USH2A: variants seen among roughly 807,000 people sequenced by gnomAD.
USH2A encodes usherin.
A neutral mutation model predicts 538.9 loss-of-function variants in USH2A; 443 were observed. That is an observed-to-expected ratio of 0.82 (90% CI 0.76 to 0.89). USH2A has a LOEUF of 0.89. Ranked by LOEUF, USH2A falls within the 40% of genes least tolerant of loss-of-function variation. The probability of loss-of-function intolerance (pLI) is 0.00; values close to 1 mark genes in which losing one functional copy is unlikely to be tolerated. For synonymous variants in USH2A, 2,413 were observed against 2,273.5 expected (o/e 1.06, Z -1.75); for missense variants, 6,633 against 6,324.8 (o/e 1.05, Z -1.65).
At chr1:215,629,245 A>C (rs535707794) in intron 70 of USH2A, among the ~76,000 whole-genome samples, 2 of 152,134 alleles carry the variant, frequency 1.3e-5, no homozygotes, top group Non-Finnish European at 1.5e-5. Flanking sequence ...GGTAAGAAGG[A>C]TGAGATGATG....
chr1:215,648,821 A>G, intron 65 of USH2A, 55 bp from the exon 66 acceptor site: 1 of 1,535,912 alleles, frequency 6.5e-7, no homozygotes. Context: ...AAGGTGTTTG[A>G]TGAATGTTAT....
intron 4 of USH2A, among the ~76,000 whole-genome samples, chr1:216,333,622 G>A (rs1316720990): frequency 6.6e-6 from 1 of 151,712 alleles, no homozygotes; most frequent in Non-Finnish European, 1.5e-5. Context: ...TGAACTGCAA[G>A]TGGGATAAAT....
At chr1:216,175,147 T>C in intron 21 of USH2A, 105 bp downstream of exon 21, 1 of 1,549,920 alleles carries the variant, frequency 6.5e-7, no homozygotes, top group Non-Finnish European at 8.7e-7. Context: ...AATTAGTATT[T>C]CTCTAAGTAG....
In USH2A at chr1:215,813,838, G is replaced by C. The variant is rs763656685; in HGVS notation, c.9637C>G (p.Pro3213Ala). The C allele has an allele frequency of 6.2e-7, 1 of 1,613,840 alleles. No individual in the cohort carries two copies. Among genetic ancestry groups the C allele is most frequent in the Non-Finnish European group, 8.5e-7 (1 of 1,179,856 alleles). ...GHRCCEEKYI[P>A]FVLNSTGVCC... ...ACTCCAGTAGAATTCAGAACAAACG[G>C]GATATACTTTTCTTCACAACAGCGA... The change falls in exon 49 of 72, where the codon CCG becomes GCG. Residue 3213 changes from proline (P) to alanine (A), a missense_variant. By Grantham distance (27) the Pro-to-Ala change is conservative (BLOSUM62 -1). Transcript: ENST00000307340.
At chr1:215,876,172 A>C (rs914117361) in intron 43 of USH2A, among the ~76,000 whole-genome samples, 4 of 152,138 alleles carry the variant, frequency 2.6e-5, no homozygotes, top group African/African-American at 9.6e-5. Flanking sequence ...AATTAAGTAA[A>C]TAATGAATTA....
intron 3 of USH2A, among the ~76,000 whole-genome samples, chr1:216,383,315 T>G (rs1383832384): frequency 6.6e-6 from 1 of 152,170 alleles, no homozygotes; most frequent in Non-Finnish European, 1.5e-5. Context: ...CTGGCCATGT[T>G]CCTTTTCAGA....
At chr1:216,148,266 A>G (rs2033754531) in intron 21 of USH2A, among the ~76,000 whole-genome samples, 1 of 150,648 alleles carries the variant, frequency 6.6e-6, no homozygotes, top group Admixed American at 6.6e-5. Flanking sequence ...TCTTTTAAGC[A>G]CTCCTTTTTA....
chr1:215,717,098 G>A (rs748020136), intron 61 of USH2A, among the ~76,000 whole-genome samples: 109 of 152,132 alleles, frequency 7.2e-4, no homozygotes, highest in Non-Finnish European at 1.2e-3. Context: ...GTCTATGGAG[G>A]GGAATTCAGA....
intron 16 of USH2A, chr1:216,204,078 T>C (rs2035058709): frequency 6.3e-6 from 1 of 158,740 alleles, no homozygotes; most frequent in Admixed American, 6.5e-5. Context: ...ATGAAGATCG[T>C]TTTTATTTTT....
At chr1:216,385,269 G>A (rs1381946654) in intron 3 of USH2A, among the ~76,000 whole-genome samples, 1 of 152,158 alleles carries the variant, frequency 6.6e-6, no homozygotes, top group Admixed American at 6.5e-5. Flanking sequence ...TGCTTGGAAG[G>A]GCCAGGAAAG....
chr1:215,902,878 G>T (rs1665537408), intron 38 of USH2A, among the ~76,000 whole-genome samples: 1 of 152,094 alleles, frequency 6.6e-6, no homozygotes. Flanking sequence ...GAGAGGAAAA[G>T]TCTTCATAGG....
At chr1:216,005,346 T>C (rs899601511) in intron 32 of USH2A, among the ~76,000 whole-genome samples, 21 of 152,172 alleles carry the variant, frequency 1.4e-4, no homozygotes. Context: ...TTTAGTTCCA[T>C]ATCATAATTA....
chr1:216,380,884 T>C (rs2038911829), intron 3 of USH2A, among the ~76,000 whole-genome samples: 1 of 152,180 alleles, frequency 6.6e-6, no homozygotes, highest in African/African-American at 2.4e-5. Flanking sequence ...TTTCTATTTG[T>C]TTGTATATTT....
intron 62 of USH2A, among the ~76,000 whole-genome samples, chr1:215,676,099 A>T (rs1303539609): frequency 6.6e-6 from 1 of 152,138 alleles, no homozygotes; most frequent in East Asian, 1.9e-4. Context: ...GGGCTGAAAG[A>T]GTATGCTTGT....
chr1:215,736,602 A>T (rs1660161494), intron 60 of USH2A, among the ~76,000 whole-genome samples: 1 of 152,030 alleles, frequency 6.6e-6, no homozygotes. Context: ...GTTATTTTTA[A>T]TATGATCATG....
At chr1:215,743,414 G>GTA (rs1416125197) in intron 58 of USH2A, 79 bp from the exon 59 acceptor site, 7 of 393,238 alleles carry the variant, frequency 1.8e-5, no homozygotes, top group African/African-American at 1.6e-4. Flanking sequence ...GTGTGTGTGT[G>GTA]TGTATATATA....
intron 41 of USH2A, among the ~76,000 whole-genome samples, chr1:215,879,523 G>A (rs1664856436): frequency 6.6e-6 from 1 of 152,144 alleles, no homozygotes; most frequent in Admixed American, 6.5e-5. Context: ...CTGTTAGTGT[G>A]ACTGCCAAAT....
rs2032017239 is a variant in USH2A at position 216,083,484 on chromosome 1, T to G, written c.5270A>C (p.Tyr1757Ser). ...AAGAAAATCAGGTCCATCTTTGTTATAAACGAAAAGAAGCAATCCATTTAA... is the reference window on the plus strand; with the variant it reads ...AAGAAAATCAGGTCCATCTTTGTTAGAAACGAAAAGAAGCAATCCATTTAA... ...DQLNGLLLFV[Y>S]NKDGPDFLAM... Residue 1757 changes from tyrosine to serine, a missense_variant, in exon 26 of 72, where the codon TAT becomes TCT. Tyr to Ser is a moderately radical substitution (Grantham distance 144). Coordinates refer to ENST00000307340, the MANE Select transcript of USH2A (RefSeq NM_206933.4). The G allele has an allele frequency of 1.9e-6, 3 of 1,612,298 alleles. No homozygotes were observed. The highest frequency in any genetic ancestry group is 1.7e-6 in the Non-Finnish European group (2 of 1,179,174).
intron 50 of USH2A, among the ~76,000 whole-genome samples, chr1:215,791,783 T>C (rs992006344): frequency 6.6e-6 from 1 of 152,198 alleles, no homozygotes; most frequent in African/African-American, 2.4e-5. Context: ...TGTGTATGTA[T>C]AAGTACATAC....
Sources: allele counts gnomAD v4.1 joint callset (sites outside exome capture counted in the v4.1 genomes callset), GRCh38; gene constraint gnomAD v4.1.1; transcripts MANE v1.5; gene names NCBI Gene and HGNC (gene_info 2026-07-23, HGNC 2026-07-21).